SH3GL2: variants seen among roughly 807,000 people sequenced by gnomAD.
SH3GL2 encodes SH3 domain containing GRB2 like 2, endophilin A1.
SH3GL2 carries 24 observed loss-of-function variants against 46.0 expected under a neutral mutation model. The ratio of observed to expected loss-of-function variants is 0.52; its 90% confidence interval spans 0.38 to 0.73. SH3GL2 has a LOEUF of 0.73. Among genes scored for constraint, SH3GL2 ranks in the 30% least tolerant of loss-of-function variants. The pLI, the probability that SH3GL2 is intolerant of heterozygous loss-of-function variation, is 0.00. For synonymous variants in SH3GL2, 196 were observed against 147.1 expected (o/e 1.33, Z -2.40); for missense variants, 413 against 424.2 (o/e 0.97, Z 0.23).
intron 1 of SH3GL2, among the ~76,000 whole-genome samples, chr9:17,678,457 C>G (rs146897596): frequency 0.01 from 1,560 of 152,164 alleles, 16 homozygotes; most frequent in Middle Eastern, 0.024. Context: ...CTGTTCATAT[C>G]CTTCGCCCAC....
intron 1 of SH3GL2, among the ~76,000 whole-genome samples, chr9:17,583,386 G>A (rs1007883992): frequency 2.0e-5 from 3 of 152,078 alleles, no homozygotes; most frequent in African/African-American, 7.2e-5. Flanking sequence ...AGTCATGAAT[G>A]GGATTAGTGC....
At chr9:17,658,913 T>C (rs769805236) in intron 1 of SH3GL2, among the ~76,000 whole-genome samples, 6 of 152,210 alleles carry the variant, frequency 3.9e-5, no homozygotes, top group Non-Finnish European at 7.3e-5. Context: ...CAGGACCTGC[T>C]TGAAGTGCAG....
chr9:17,746,759 T>C (rs1822700493), intron 1 of SH3GL2, among the ~76,000 whole-genome samples: 1 of 152,208 alleles, frequency 6.6e-6, no homozygotes, highest in African/African-American at 2.4e-5. Flanking sequence ...CCTTAGAACT[T>C]TCAAGAGGAA....
intron 1 of SH3GL2, among the ~76,000 whole-genome samples, chr9:17,643,440 A>T (rs751445537): frequency 6.6e-6 from 1 of 152,044 alleles, no homozygotes; most frequent in East Asian, 1.9e-4. Flanking sequence ...GAGTGGTGAG[A>T]TGTTGAATAG....
chr9:17,597,910 T>C (rs1157175920), intron 1 of SH3GL2, among the ~76,000 whole-genome samples: 1 of 152,162 alleles, frequency 6.6e-6, no homozygotes. Flanking sequence ...CATTCGCCCA[T>C]TAACCGCCAG....
intron 1 of SH3GL2, among the ~76,000 whole-genome samples, chr9:17,668,944 CACCA>C (rs1206469424): frequency 1.3e-5 from 2 of 152,210 alleles, no homozygotes; most frequent in African/African-American, 2.4e-5. Context: ...ACAGGTGAGT[CACCA>C]TGCCTGGCCA....
intron 1 of SH3GL2, among the ~76,000 whole-genome samples, chr9:17,659,229 A>G (rs1820157440): frequency 6.6e-6 from 1 of 152,146 alleles, no homozygotes; most frequent in African/African-American, 2.4e-5. Context: ...GAGAAAGTCC[A>G]TTTGGCTCTC....
At chr9:17,656,567 ATGTTT>A (rs1341121909) in intron 1 of SH3GL2, among the ~76,000 whole-genome samples, 1 of 152,098 alleles carries the variant, frequency 6.6e-6, no homozygotes, top group Non-Finnish European at 1.5e-5. Context: ...TGTGATTGGT[ATGTTT>A]TATCTTAATT....
chr9:17,710,350 C>A (rs1225740863), intron 1 of SH3GL2, among the ~76,000 whole-genome samples: 1 of 151,924 alleles, frequency 6.6e-6, no homozygotes, highest in Non-Finnish European at 1.5e-5. Context: ...ATTATCCAGT[C>A]TTGGGTATGT....
chr9:17,759,790 A>T (rs1823115112), intron 2 of SH3GL2, among the ~76,000 whole-genome samples: 1 of 152,158 alleles, frequency 6.6e-6, no homozygotes, highest in African/African-American at 2.4e-5. Flanking sequence ...CTTTTTTAGA[A>T]ACCTTGGCTT....
At chr9:17,611,271 G>A (rs547533637) in intron 1 of SH3GL2, among the ~76,000 whole-genome samples, 6 of 152,156 alleles carry the variant, frequency 3.9e-5, no homozygotes, top group African/African-American at 1.4e-4. Context: ...TAACTTCCAA[G>A]TTATTTCATA....
intron 2 of SH3GL2, chr9:17,755,642 G>A (rs1822966295): frequency 5.1e-6 from 1 of 196,200 alleles, no homozygotes; most frequent in Non-Finnish European, 9.2e-6. Flanking sequence ...CTCACAAAGT[G>A]TTGGTGCTCC....
At chr9:17,635,270 G>T (rs983229263) in intron 1 of SH3GL2, among the ~76,000 whole-genome samples, 20 of 152,280 alleles carry the variant, frequency 1.3e-4, no homozygotes, top group Non-Finnish European at 2.6e-4. Flanking sequence ...AGTTTGCTAA[G>T]GATAATGGTC....
chr9:17,688,797 A>C (rs1263795877), intron 1 of SH3GL2, among the ~76,000 whole-genome samples: 1 of 152,094 alleles, frequency 6.6e-6, no homozygotes, highest in African/African-American at 2.4e-5. Flanking sequence ...GTATCAAATA[A>C]ATATCTATGA....
At chr9:17,658,804 C>T (rs1381935875) in intron 1 of SH3GL2, among the ~76,000 whole-genome samples, 1 of 152,152 alleles carries the variant, frequency 6.6e-6, no homozygotes, top group Non-Finnish European at 1.5e-5. Flanking sequence ...TGCACTGACT[C>T]CCCCAAGATG....
At chr9:17,795,258 T>C (rs961896778) in intron 8 of SH3GL2, among the ~76,000 whole-genome samples, 6 of 152,214 alleles carry the variant, frequency 3.9e-5, no homozygotes, top group African/African-American at 1.4e-4. Context: ...CTGTGTTGTA[T>C]GTATCACAAG....
chr9:17,676,633 C>T (rs927739410), intron 1 of SH3GL2, among the ~76,000 whole-genome samples: 2 of 152,098 alleles, frequency 1.3e-5, no homozygotes, highest in African/African-American at 4.8e-5. Context: ...AAAAGTATAT[C>T]ACAAATATTG....
At chr9:17,717,228 A>G (rs1821784966) in intron 1 of SH3GL2, among the ~76,000 whole-genome samples, 1 of 152,114 alleles carries the variant, frequency 6.6e-6, no homozygotes, top group Non-Finnish European at 1.5e-5. Context: ...CGCTTTCTGT[A>G]CATTCTCTCT....
chr9:17,685,263 C>G (rs1345983312), intron 1 of SH3GL2, among the ~76,000 whole-genome samples: 1 of 152,016 alleles, frequency 6.6e-6, no homozygotes, highest in Non-Finnish European at 1.5e-5. Context: ...CATGAAAACC[C>G]CTCAGGCAGG....
Sources: allele counts gnomAD v4.1 joint callset (sites outside exome capture counted in the v4.1 genomes callset), GRCh38; gene constraint gnomAD v4.1.1; transcripts MANE v1.5; gene names NCBI Gene and HGNC (gene_info 2026-07-23, HGNC 2026-07-21).